NRG2: variants seen among roughly 807,000 people sequenced by gnomAD.
The protein encoded by NRG2 is pro-neuregulin-2, membrane-bound isoform.
In NRG2, 27 loss-of-function variants were observed where a neutral mutation model predicts 73.9. That is an observed-to-expected ratio of 0.37 (90% confidence interval 0.27 to 0.50). The LOEUF is 0.50. NRG2 is among the 20% of genes least tolerant of loss of function. The probability of loss-of-function intolerance (pLI) is 0.96; values close to 1 mark genes in which losing one functional copy is unlikely to be tolerated. For missense variants in NRG2, 1,126 were observed against 1,210.1 expected, an observed-to-expected ratio of 0.93 and a Z score of 1.03; for synonymous variants, 532 against 541.0, an observed-to-expected ratio of 0.98 and a Z score of 0.23.
intron 1 of NRG2, among the ~76,000 whole-genome samples, chr5:139,917,085 A>G (rs551668433): frequency 5.1e-4 from 78 of 152,204 alleles, no homozygotes; most frequent in Admixed American, 1.3e-3. Flanking sequence ...ACCTGTTATT[A>G]TCTGACTTTT....
At chr5:139,883,423 TG>T (rs3836890) in intron 2 of NRG2, among the ~76,000 whole-genome samples, 1 of 151,250 alleles carries the variant, frequency 6.6e-6, no homozygotes, top group African/African-American at 2.4e-5. Flanking sequence ...GCCCAGGATT[TG>T]GGGGGGCAGT....
chr5:139,901,564 A>G (rs531350906), intron 1 of NRG2, among the ~76,000 whole-genome samples: 2 of 152,348 alleles, frequency 1.3e-5, no homozygotes, highest in African/African-American at 4.8e-5. Context: ...CAGCATCTTT[A>G]TCAGAGGCAG....
intron 1 of NRG2, among the ~76,000 whole-genome samples, chr5:139,964,224 T>C (rs1170081478): frequency 6.6e-6 from 1 of 152,096 alleles, no homozygotes; most frequent in Admixed American, 6.5e-5. Flanking sequence ...TGCTGGAAAA[T>C]GGTAATAACT....
rs1357375318 is a variant in NRG2, at chr5:139,904,796, G to A, written c.701-17285C>T. Among the ~76,000 whole-genome samples the A allele has an allele frequency of 1.3e-5, 2 of 152,194 alleles. No individual in the cohort carries two copies. Among genetic ancestry groups the A allele is most frequent in the African/African-American group, 4.8e-5 (2 of 41,448 alleles). ...CCAGGCTAAGGACAGCATGGGGGTG[G>A]GGAGACAGCGAGGAAAGGGCCCAGG... On this transcript the variant is annotated intron_variant, in intron 1 of 9. Coordinates refer to ENST00000361474, the MANE Select transcript of NRG2 (RefSeq NM_004883.3). The surrounding 1 kb of genome is among the most constrained non-coding windows in gnomAD (Gnocchi z 6.0).
intron 1 of NRG2, among the ~76,000 whole-genome samples, chr5:139,974,035 A>G (rs776156656): frequency 6.6e-6 from 1 of 152,164 alleles, no homozygotes. Flanking sequence ...TCAAAATTCA[A>G]TAGTTCTTGT....
chr5:139,884,100 T>C (rs1763717798), intron 2 of NRG2, among the ~76,000 whole-genome samples: 1 of 152,136 alleles, frequency 6.6e-6, no homozygotes, highest in Non-Finnish European at 1.5e-5. Context: ...CAGCCCTCAG[T>C]GTAGAGCTCT....
chr5:139,934,934 C>A (rs1752736091), intron 1 of NRG2, among the ~76,000 whole-genome samples: 1 of 152,018 alleles, frequency 6.6e-6, no homozygotes, highest in Non-Finnish European at 1.5e-5. Flanking sequence ...GGAGGCTGAG[C>A]CTGGCAGATC....
At chr5:140,021,228 G>A (rs1360210809) in intron 1 of NRG2, among the ~76,000 whole-genome samples, 8 of 152,176 alleles carry the variant, frequency 5.3e-5, no homozygotes, top group Admixed American at 4.6e-4. Context: ...GCTCAAAAAG[G>A]TCAGTTGTCC....
At chr5:140,019,257 A>C (rs1388769023) in intron 1 of NRG2, among the ~76,000 whole-genome samples, 1 of 152,220 alleles carries the variant, frequency 6.6e-6, no homozygotes, top group Non-Finnish European at 1.5e-5. Flanking sequence ...CAGAAGGGCC[A>C]ATCAGAGCCT....
At chr5:139,970,327 A>G (rs879584537) in intron 1 of NRG2, among the ~76,000 whole-genome samples, 2 of 152,112 alleles carry the variant, frequency 1.3e-5, no homozygotes, top group Non-Finnish European at 2.9e-5. Context: ...GGTCTGGCCA[A>G]TGGATAAGGT....
intron 1 of NRG2, among the ~76,000 whole-genome samples, chr5:139,933,700 A>G (rs1752642393): frequency 1.3e-5 from 2 of 152,232 alleles, no homozygotes; most frequent in Non-Finnish European, 2.9e-5. Flanking sequence ...ACAAAATCTC[A>G]ATAAGGATAT....
intron 1 of NRG2, among the ~76,000 whole-genome samples, chr5:139,962,627 GTGA>G (rs1755164041): frequency 6.6e-6 from 1 of 152,192 alleles, no homozygotes; most frequent in Non-Finnish European, 1.5e-5. Context: ...AGGAAGTCCT[GTGA>G]AGTTACACAG....
chr5:139,872,385 T>A (rs1163197000), intron 3 of NRG2, among the ~76,000 whole-genome samples: 1 of 152,052 alleles, frequency 6.6e-6, no homozygotes, highest in African/African-American at 2.4e-5. Flanking sequence ...TCTGGAGAGA[T>A]GTTGGGGGTA....
intron 1 of NRG2, among the ~76,000 whole-genome samples, chr5:140,017,570 T>C (rs265144): frequency 0.23 from 34,229 of 152,120 alleles, 4,029 homozygotes; most frequent in African/African-American, 0.28. Flanking sequence ...TAGCCAACAG[T>C]GTCAAAATGC....
intron 1 of NRG2, among the ~76,000 whole-genome samples, chr5:140,032,418 A>G (rs1013836168): frequency 7.9e-5 from 12 of 151,714 alleles, no homozygotes; most frequent in African/African-American, 2.7e-4. Context: ...TATTGAGAGA[A>G]AAAAAAAATA....
At chr5:139,860,989 G>A (rs146966689) in intron 5 of NRG2, among the ~76,000 whole-genome samples, 297 of 152,298 alleles carry the variant, frequency 2.0e-3, no homozygotes, top group African/African-American at 6.9e-3. Context: ...TGGGAGCCCA[G>A]AAATCTCAAC....
At position 139,856,692 on chromosome 5, in the gene NRG2, G is replaced by T. The variant is rs780369340; in HGVS notation, c.1190-914C>A. On this transcript the variant is annotated intron_variant, in intron 5 of 9. Coordinates refer to ENST00000361474, the MANE Select transcript of NRG2 (RefSeq NM_004883.3). The surrounding 1 kb of genome is among the most constrained non-coding windows in gnomAD (Gnocchi z 4.2). ...GCTTGCAGCATATCCTGTGGCAAAG[G>T]TGTACACACCAGGAAACACCCAGGG... is the stretch of plus-strand genomic sequence containing the variant. Among the ~76,000 whole-genome samples, 1 of 152,162 alleles carries T rather than the reference G, an allele frequency of 6.6e-6. No individual in the cohort carries two copies. The highest frequency in any genetic ancestry group is 2.1e-4 in the South Asian group (1 of 4,828).
chr5:140,018,707 G>A (rs1186942819), intron 1 of NRG2, among the ~76,000 whole-genome samples: 3 of 152,144 alleles, frequency 2.0e-5, no homozygotes, highest in East Asian at 1.9e-4. Flanking sequence ...GGACGCAGAC[G>A]ACCAACAGAT....
chr5:139,870,334 G>A lies in NRG2; in HGVS notation c.1112+1387C>T, dbSNP rs561033179. 1.3e-5 allele frequency among the ~76,000 whole-genome samples: 2 copies of A among 152,328 alleles called. No homozygotes were observed. Among genetic ancestry groups the A allele is most frequent in the Non-Finnish European group, 2.9e-5 (2 of 68,022 alleles). ...ACTCTCCTCTAAGGTTCAGGGAGGG[G>A]GAGAAGGAGGTGGCAGCAGGGGCAG... On this transcript the variant is annotated intron_variant, in intron 4 of 9. Transcript: ENST00000361474. This position sits in a 1 kb window ranked among gnomAD's most constrained non-coding sequence, Gnocchi z 4.4.
Sources: gnomAD v4.1 joint callset for allele counts (sites outside exome capture counted in the v4.1 genomes callset) on GRCh38, gnomAD v4.1.1 for gene constraint, Gnocchi (gnomAD v3.1) non-coding constraint, MANE v1.5 for transcripts, NCBI Gene and HGNC (gene_info 2026-07-23, HGNC 2026-07-21) for gene names.